The following MACROD2 variants were observed in gnomAD, a reference collection of about 807,000 sequenced individuals.
The protein encoded by MACROD2 is mono-ADP ribosylhydrolase 2, also known as ADP-ribose glycohydrolase MACROD2.
Under a neutral mutation model 70.4 loss-of-function variants are expected in MACROD2, and 36 were observed. The observed-to-expected ratio is 0.51, with a 90% CI of 0.39 to 0.68. MACROD2 has a LOEUF of 0.68. MACROD2 is among the 30% of genes least tolerant of loss of function. The pLI is 0.00. For synonymous variants in MACROD2, 172 were observed against 178.8 expected (o/e 0.96, Z 0.30); for missense variants, 496 against 538.4 (o/e 0.92, Z 0.78).
At chr20:14,087,759 A>G (rs889286023) in intron 3 of MACROD2, among the ~76,000 whole-genome samples, 4 of 152,146 alleles carry the variant, frequency 2.6e-5, no homozygotes, top group African/African-American at 7.2e-5. Context: ...CCTCTCCTGT[A>G]GTTTTAATAA....
At chr20:15,906,309 C>T (rs2065145990) in intron 10 of MACROD2, among the ~76,000 whole-genome samples, 1 of 152,194 alleles carries the variant, frequency 6.6e-6, no homozygotes, top group Non-Finnish European at 1.5e-5. Flanking sequence ...ATCTTTGGAG[C>T]ACCATTTCTT....
chr20:14,694,529 A>G (rs866405824), intron 5 of MACROD2, among the ~76,000 whole-genome samples: 2 of 152,198 alleles, frequency 1.3e-5, no homozygotes, highest in Non-Finnish European at 2.9e-5. Flanking sequence ...GATGATGAAC[A>G]TGAATGTATT....
chr20:15,225,583 A>G (rs2076898754), intron 5 of MACROD2, among the ~76,000 whole-genome samples: 1 of 152,100 alleles, frequency 6.6e-6, no homozygotes, highest in Non-Finnish European at 1.5e-5. Context: ...ATTCTTCCCT[A>G]CATCGGTAGA....
chr20:14,987,464 C>G (rs1470647421), intron 5 of MACROD2, among the ~76,000 whole-genome samples: 2 of 152,128 alleles, frequency 1.3e-5, no homozygotes, highest in Non-Finnish European at 2.9e-5. Flanking sequence ...TTCTACCAGA[C>G]TGTTCAGAAA....
intron 6 of MACROD2, among the ~76,000 whole-genome samples, chr20:15,281,080 A>G (rs1322583058): frequency 6.6e-6 from 1 of 152,204 alleles, no homozygotes; most frequent in Non-Finnish European, 1.5e-5. Flanking sequence ...AGACGCTTAT[A>G]AAACTGTCAG....
chr20:14,487,866 G>A (rs952435201), intron 3 of MACROD2, among the ~76,000 whole-genome samples: 17 of 152,116 alleles, frequency 1.1e-4, no homozygotes, highest in African/African-American at 3.1e-4. Context: ...AAATAAAAGT[G>A]TAATATAAAA....
chr20:15,282,958 G>A (rs1219364870), intron 6 of MACROD2, among the ~76,000 whole-genome samples: 1 of 152,176 alleles, frequency 6.6e-6, no homozygotes, highest in African/African-American at 2.4e-5. Flanking sequence ...GAGGCCTCAG[G>A]AAACTTACAA....
At chr20:14,791,475 A>G (rs2072450276) in intron 5 of MACROD2, among the ~76,000 whole-genome samples, 2 of 152,134 alleles carry the variant, frequency 1.3e-5, no homozygotes, top group Admixed American at 6.5e-5. Flanking sequence ...CAGTGTCAAG[A>G]GACATGGATA....
intron 3 of MACROD2, among the ~76,000 whole-genome samples, chr20:14,191,834 A>G (rs2081390558): frequency 6.6e-6 from 1 of 152,264 alleles, no homozygotes. Flanking sequence ...AGAAAGAACA[A>G]GCCAGATCAT....
At chr20:14,590,993 A>C (rs1189503026) in intron 4 of MACROD2, among the ~76,000 whole-genome samples, 1 of 152,142 alleles carries the variant, frequency 6.6e-6, no homozygotes, top group Non-Finnish European at 1.5e-5. Context: ...TAAATCAGGT[A>C]AAAAATAGAT....
chr20:14,699,639 A>T (rs1046137870), intron 5 of MACROD2, among the ~76,000 whole-genome samples: 1 of 152,178 alleles, frequency 6.6e-6, no homozygotes, highest in Non-Finnish European at 1.5e-5. Flanking sequence ...TCAGTCTCAC[A>T]ACTTGCACTC....
intron 4 of MACROD2, among the ~76,000 whole-genome samples, chr20:14,518,435 G>C (rs1268094040): frequency 6.6e-6 from 1 of 152,054 alleles, no homozygotes; most frequent in Non-Finnish European, 1.5e-5. Flanking sequence ...TGATAAAGCA[G>C]CCTTCTTTAT....
intron 3 of MACROD2, among the ~76,000 whole-genome samples, chr20:14,368,062 A>C (rs1290959552): frequency 6.6e-6 from 1 of 152,032 alleles, no homozygotes; most frequent in Non-Finnish European, 1.5e-5. Context: ...CTTTATCTTT[A>C]CTGATATTCT....
chr20:14,044,633 A>G (rs2053442750), intron 2 of MACROD2, among the ~76,000 whole-genome samples: 1 of 152,148 alleles, frequency 6.6e-6, no homozygotes, highest in Non-Finnish European at 1.5e-5. Context: ...GATTAGCTAG[A>G]TACAGAGTGT....
At chr20:15,251,138 G>C (rs374488663) in intron 6 of MACROD2, among the ~76,000 whole-genome samples, 1 of 151,882 alleles carries the variant, frequency 6.6e-6, no homozygotes, top group Admixed American at 6.6e-5. Flanking sequence ...TTAGGTTTCC[G>C]AAAAAAGGGG....
intron 5 of MACROD2, among the ~76,000 whole-genome samples, chr20:14,947,237 A>C (rs898245202): frequency 6.6e-6 from 1 of 152,190 alleles, no homozygotes; most frequent in Non-Finnish European, 1.5e-5. Context: ...TACGTCTTTG[A>C]AAAGTGCATT....
intron 6 of MACROD2, among the ~76,000 whole-genome samples, chr20:15,334,128 G>C (rs1456430758): frequency 6.6e-6 from 1 of 151,532 alleles, no homozygotes. Flanking sequence ...CAAACTGAAG[G>C]CTTCTTTGCC....
chr20:14,140,666 A>G (rs1376950724), intron 3 of MACROD2, among the ~76,000 whole-genome samples: 3 of 152,018 alleles, frequency 2.0e-5, no homozygotes, highest in African/African-American at 7.3e-5. Context: ...GCTTGTGTGT[A>G]CCTCAGCTCC....
chr20:14,339,093 G>C (rs551892260), intron 3 of MACROD2, among the ~76,000 whole-genome samples: 134 of 152,192 alleles, frequency 8.8e-4, no homozygotes, highest in African/African-American at 3.0e-3. Flanking sequence ...TTTGATTGTG[G>C]TCTCTTCATT....
Sources: allele counts gnomAD v4.1 joint callset (sites outside exome capture counted in the v4.1 genomes callset), GRCh38; gene constraint gnomAD v4.1.1; transcripts MANE v1.5; gene names NCBI Gene and HGNC (gene_info 2026-07-23, HGNC 2026-07-21).